Variants in LINGO1 observed in about 807,000 individuals in gnomAD.
LINGO1 encodes the protein leucine-rich repeat and immunoglobulin-like domain-containing nogo receptor-interacting protein 1.
In LINGO1, 11 loss-of-function variants were observed where a neutral mutation model predicts 37.3. The ratio of observed to expected loss-of-function variants is 0.29; its 90% CI spans 0.19 to 0.49. The LOEUF is 0.49. Ranked by LOEUF, LINGO1 falls within the 20% of genes least tolerant of loss-of-function variation. The pLI, the probability that LINGO1 is intolerant of heterozygous loss-of-function variation, is 0.99. For missense variants in LINGO1, 585 were observed against 878.2 expected, an observed-to-expected ratio of 0.67 and a Z score of 4.22; for synonymous variants, 387 against 403.0, an observed-to-expected ratio of 0.96 and a Z score of 0.48.
At chr15:77,742,180 C>T (rs1036974949) in intron 1 of LINGO1, among the ~76,000 whole-genome samples, 6 of 152,218 alleles carry the variant, frequency 3.9e-5, no homozygotes, top group Admixed American at 1.3e-4. Context: ...CAGACTGGGC[C>T]AGAGAAGCTG....
intron 3 of LINGO1, among the ~76,000 whole-genome samples, chr15:77,674,025 G>A (rs772218314): frequency 1.1e-3 from 164 of 151,672 alleles, no homozygotes; most frequent in Non-Finnish European, 2.0e-3. Flanking sequence ...AATGACTCAC[G>A]GTTGTTCAGC....
At chr15:77,638,188 G>T (rs80090523), upstream of LINGO1, among the ~76,000 whole-genome samples, 1 of 152,346 alleles carries the variant, frequency 6.6e-6, no homozygotes, top group Non-Finnish European at 1.5e-5. Flanking sequence ...CGGCCCTTCT[G>T]CACTGGGTGG....
chr15:77,794,592 T>TATA (rs1567588714), intron 2 of LINGO1, among the ~76,000 whole-genome samples: 27 of 18,434 alleles, frequency 1.5e-3, no homozygotes, highest in Admixed American at 4.5e-3. Flanking sequence ...ATATATATAT[T>TATA]TTTTTTTTTT....
At chr15:77,678,406 G>A (rs1233927562) in intron 2 of LINGO1, among the ~76,000 whole-genome samples, 1 of 152,192 alleles carries the variant, frequency 6.6e-6, no homozygotes, top group Non-Finnish European at 1.5e-5. Flanking sequence ...TTTCCAGAGT[G>A]TCATACAAAT....
At chr15:77,794,681 G>A (rs901246773) in intron 2 of LINGO1, among the ~76,000 whole-genome samples, 138 of 149,268 alleles carry the variant, frequency 9.2e-4, no homozygotes, top group Non-Finnish European at 1.6e-3. Flanking sequence ...TCCACCTCCC[G>A]GGTTCACGCC....
intron 1 of LINGO1, among the ~76,000 whole-genome samples, chr15:77,616,625 C>G (rs554147464): frequency 5.8e-4 from 88 of 152,294 alleles, no homozygotes; most frequent in African/African-American, 2.0e-3. Context: ...CTCCCTCCTC[C>G]CCCTGCACCT....
intron 1 of LINGO1, among the ~76,000 whole-genome samples, chr15:77,814,615 G>T (rs2141484787): frequency 6.6e-6 from 1 of 152,238 alleles, no homozygotes; most frequent in African/African-American, 2.4e-5. Flanking sequence ...TTCCAAGTGG[G>T]CTACGGTAGA....
At chr15:77,635,670 T>C (rs942958099), upstream of LINGO1, among the ~76,000 whole-genome samples, 2 of 152,220 alleles carry the variant, frequency 1.3e-5, no homozygotes, top group Admixed American at 1.3e-4. Context: ...TTCCCTGATT[T>C]CTACCTGTGC....
At chr15:77,680,390 T>G (rs952080317) in intron 2 of LINGO1, among the ~76,000 whole-genome samples, 1 of 152,186 alleles carries the variant, frequency 6.6e-6, no homozygotes, top group African/African-American at 2.4e-5. Flanking sequence ...ACTGCCCCTT[T>G]GGGGGCAGGT....
intron 1 of LINGO1, among the ~76,000 whole-genome samples, chr15:77,630,067 G>A (rs1226329290): frequency 6.6e-6 from 1 of 151,934 alleles, no homozygotes; most frequent in Non-Finnish European, 1.5e-5. Flanking sequence ...GAGGTGGGTG[G>A]GGCTGGAAGG....
intron 1 of LINGO1, among the ~76,000 whole-genome samples, chr15:77,758,991 G>A (rs1014508456): frequency 6.6e-6 from 1 of 152,090 alleles, no homozygotes; most frequent in African/African-American, 2.4e-5. Context: ...AGCCCACAAG[G>A]CCCCTAACAG....
In LINGO1 at chr15:77,794,877, C is replaced by A. The variant is rs114778857; in HGVS notation, c.-343+1062G>T. ...AGCAGAAATATTTTGATGGTGCTAA[C>A]TGGGCTTCGGAGCAAGGCCTAGTGC... On this transcript the variant is annotated intron_variant, in intron 2 of 5. Transcript: ENST00000562933. Among the ~76,000 whole-genome samples the A allele has an allele frequency of 9.9e-3, 1,509 of 152,244 alleles. 24 individuals are homozygous for A. Among genetic ancestry groups the A allele is most frequent in the African/African-American group, 0.035 (1,445 of 41,522 alleles).
intron 1 of LINGO1, among the ~76,000 whole-genome samples, chr15:77,620,205 C>G (rs2073875308): frequency 6.6e-6 from 1 of 152,118 alleles, no homozygotes; most frequent in African/African-American, 2.4e-5. Context: ...ATCCTTGCCC[C>G]CTGAAGGGCT....
At chr15:77,763,122 A>G (rs2076494224) in intron 1 of LINGO1, among the ~76,000 whole-genome samples, 1 of 152,218 alleles carries the variant, frequency 6.6e-6, no homozygotes. Context: ...ATGTTTGAAG[A>G]GAAACATAAT....
chr15:77,627,696 C>T (rs1031585915), intron 1 of LINGO1, among the ~76,000 whole-genome samples: 7 of 152,202 alleles, frequency 4.6e-5, no homozygotes, highest in Non-Finnish European at 7.3e-5. Flanking sequence ...ACCACTCCTT[C>T]CCATCCTGGG....
At chr15:77,747,613 A>G (rs146848165) in intron 1 of LINGO1, among the ~76,000 whole-genome samples, 1 of 152,180 alleles carries the variant, frequency 6.6e-6, no homozygotes, top group East Asian at 1.9e-4. Flanking sequence ...CAAATTAACA[A>G]AACACTGACC....
intron 1 of LINGO1, among the ~76,000 whole-genome samples, chr15:77,761,903 C>T (rs2076481141): frequency 6.6e-6 from 1 of 152,228 alleles, no homozygotes; most frequent in Non-Finnish European, 1.5e-5. Flanking sequence ...CCTCAGTATT[C>T]CCATCTGTGG....
At chr15:77,778,874 A>C (rs1446543227) in intron 1 of LINGO1, among the ~76,000 whole-genome samples, 2 of 152,048 alleles carry the variant, frequency 1.3e-5, no homozygotes, top group African/African-American at 4.8e-5. Context: ...CTCCAGTCTC[A>C]CTCAGAGCAA....
chr15:77,791,519 G>A (rs1228670535), upstream of LINGO1, among the ~76,000 whole-genome samples: 3 of 151,950 alleles, frequency 2.0e-5, no homozygotes, highest in East Asian at 1.9e-4. Context: ...AAAGAAGGGC[G>A]GGGAAGAAAG....
Sources: allele counts gnomAD v4.1 joint callset (sites outside exome capture counted in the v4.1 genomes callset), GRCh38; gene constraint gnomAD v4.1.1; transcripts MANE v1.5; gene names NCBI Gene and HGNC (gene_info 2026-07-23, HGNC 2026-07-21).